The following ZNF804A variants were observed in gnomAD, a reference collection of about 807,000 sequenced individuals.
ZNF804A encodes zinc finger protein 804A.
A neutral mutation model predicts 16.5 loss-of-function variants in ZNF804A; 2 were observed. The ratio of observed to expected loss-of-function variants is 0.12; its 90% CI spans 0.05 to 0.38. The LOEUF (loss-of-function observed/expected upper bound fraction) is 0.38, where lower values mean the gene tolerates loss of function less well. Among genes scored for constraint, ZNF804A ranks in the 10% least tolerant of loss-of-function variants. The pLI is 0.99. For missense variants in ZNF804A, 1,473 were observed against 1,390.7 expected, an observed-to-expected ratio of 1.06 and a Z score of -0.94; for synonymous variants, 534 against 489.6, an observed-to-expected ratio of 1.09 and a Z score of -1.20.
chr2:184,872,266 C>T (rs1349631416), intron 2 of ZNF804A, among the ~76,000 whole-genome samples: 1 of 152,142 alleles, frequency 6.6e-6, no homozygotes. Context: ...AAATACCAAA[C>T]ACATTCTTTT....
At chr2:184,607,282 C>A (rs1227085668) in intron 1 of ZNF804A, among the ~76,000 whole-genome samples, 1 of 152,122 alleles carries the variant, frequency 6.6e-6, no homozygotes, top group Non-Finnish European at 1.5e-5. Context: ...TTAGTCTATT[C>A]TCATGCTGCT....
At chr2:184,730,358 T>C (rs1234414704) in intron 1 of ZNF804A, among the ~76,000 whole-genome samples, 5 of 152,146 alleles carry the variant, frequency 3.3e-5, no homozygotes, top group South Asian at 2.1e-4. Context: ...TTTGTTAAAA[T>C]TGACGAATAT....
Position 184,610,429 on chromosome 2 carries a change from T to C in ZNF804A, c.111+11359T>C, listed in dbSNP as rs528143779. Among the ~76,000 whole-genome samples, 769 of 152,190 alleles carry C rather than the reference T, an allele frequency of 5.1e-3. 6 individuals carry two copies. Among genetic ancestry groups the C allele is most frequent in the Non-Finnish European group, 6.7e-3 (456 of 67,994 alleles). ...TAGATTGGTTATGGAAAGCAGGATGTTTGAAGTCAATAAGTTAATAGGAAG... is the reference window on the plus strand; with the variant it reads ...TAGATTGGTTATGGAAAGCAGGATGCTTGAAGTCAATAAGTTAATAGGAAG... On this transcript the variant is annotated intron_variant, in intron 1 of 3. Transcript: ENST00000302277.
chr2:184,934,516 A>T (rs1241742285), intron 3 of ZNF804A, among the ~76,000 whole-genome samples: 1 of 152,128 alleles, frequency 6.6e-6, no homozygotes, highest in Non-Finnish European at 1.5e-5. Context: ...AAAAACCAAA[A>T]TAAAATGTAT....
chr2:184,639,254 A>G (rs1691753852), intron 1 of ZNF804A, among the ~76,000 whole-genome samples: 1 of 151,784 alleles, frequency 6.6e-6, no homozygotes, highest in African/African-American at 2.4e-5. Context: ...TGGTATTTTT[A>G]GCAGAGACGA....
intron 2 of ZNF804A, among the ~76,000 whole-genome samples, chr2:184,885,245 G>A (rs532162519): frequency 6.4e-4 from 98 of 152,206 alleles, no homozygotes; most frequent in African/African-American, 2.2e-3. Context: ...CTCGTATGAA[G>A]GTAAACTAGT....
At chr2:184,795,927 T>C (rs966698273) in intron 1 of ZNF804A, among the ~76,000 whole-genome samples, 1 of 151,982 alleles carries the variant, frequency 6.6e-6, no homozygotes, top group African/African-American at 2.4e-5. Context: ...GAAATGGTTA[T>C]TAAAAAATTA....
At chr2:184,757,756 T>C (rs1425527062) in intron 1 of ZNF804A, among the ~76,000 whole-genome samples, 1 of 152,066 alleles carries the variant, frequency 6.6e-6, no homozygotes, top group Non-Finnish European at 1.5e-5. Context: ...ACTTATTCTT[T>C]CATCCTTGCC....
intron 1 of ZNF804A, among the ~76,000 whole-genome samples, chr2:184,646,701 C>G (rs1000781063): frequency 6.6e-6 from 1 of 152,228 alleles, no homozygotes; most frequent in Non-Finnish European, 1.5e-5. Context: ...AGAATATACT[C>G]TCCTTGATTA....
intron 1 of ZNF804A, among the ~76,000 whole-genome samples, chr2:184,808,796 T>G (rs1005911722): frequency 2.6e-5 from 4 of 151,788 alleles, no homozygotes; most frequent in Non-Finnish European, 5.9e-5. Context: ...CAACGACTTT[T>G]AATGTTTAAA....
chr2:184,898,728 G>A (rs929946895), intron 2 of ZNF804A, among the ~76,000 whole-genome samples: 6 of 151,830 alleles, frequency 4.0e-5, no homozygotes, highest in Admixed American at 2.6e-4. Context: ...CTTAAGGACA[G>A]GATAATATAT....
intron 2 of ZNF804A, among the ~76,000 whole-genome samples, chr2:184,923,727 T>C (rs1435473941): frequency 6.6e-6 from 1 of 152,006 alleles, no homozygotes; most frequent in Non-Finnish European, 1.5e-5. Context: ...ATGCTCCTTC[T>C]AAACCCAGTT....
rs1277341531 is a variant in ZNF804A, at chr2:184,937,974, C to T, written c.2578C>T (p.Gln860Ter). 6.2e-7 allele frequency: 1 copy of T among 1,614,038 alleles called. No homozygotes were observed. Among genetic ancestry groups the T allele is most frequent in the African/African-American group, 1.3e-5 (1 of 75,030 alleles). ...AGACAAAAAAGAGAAAATGAAACCA[C>T]AAGAAGTTGCAAAAATCGAAAGGAA... ...SEDKKEKMKP[Q>*]EVAKIERNSE... The change falls in exon 4 of 4, where the codon CAA (glutamine) becomes TAA (stop). Residue 860 changes from glutamine to a stop codon, truncating the protein, a stop_gained. Transcript: ENST00000302277. LOFTEE classifies it low-confidence loss of function (END_TRUNC).
chr2:184,801,512 T>C (rs949274047), intron 1 of ZNF804A, among the ~76,000 whole-genome samples: 1 of 152,182 alleles, frequency 6.6e-6, no homozygotes, highest in Non-Finnish European at 1.5e-5. Context: ...GCAATTTCAT[T>C]TGGTAAGTGT....
intron 1 of ZNF804A, among the ~76,000 whole-genome samples, chr2:184,717,069 G>A (rs1189655819): frequency 6.6e-6 from 1 of 151,962 alleles, no homozygotes; most frequent in Non-Finnish European, 1.5e-5. Context: ...TCCTGGCAGG[G>A]TATCAGATGT....
intron 1 of ZNF804A, among the ~76,000 whole-genome samples, chr2:184,767,241 T>A (rs762382771): frequency 1.3e-5 from 2 of 152,146 alleles, no homozygotes; most frequent in Non-Finnish European, 2.9e-5. Flanking sequence ...ATGGAGTATA[T>A]GCACACAATG....
chr2:184,660,370 T>A (rs1196970405), intron 1 of ZNF804A, among the ~76,000 whole-genome samples: 5 of 152,250 alleles, frequency 3.3e-5, no homozygotes, highest in Non-Finnish European at 7.3e-5. Context: ...CTCTGCCTGT[T>A]CATTTGTCCT....
intron 1 of ZNF804A, among the ~76,000 whole-genome samples, chr2:184,857,969 G>A (rs999373642): frequency 1.3e-5 from 2 of 151,888 alleles, no homozygotes; most frequent in African/African-American, 2.4e-5. Flanking sequence ...ATTATTGATA[G>A]GTAAGAACTT....
At chr2:184,852,516 A>G (rs1412667646) in intron 1 of ZNF804A, among the ~76,000 whole-genome samples, 1 of 138,154 alleles carries the variant, frequency 7.2e-6, no homozygotes, top group African/African-American at 2.7e-5. Flanking sequence ...CCAAAAATAT[A>G]TTGCCAGACT....
Sources: gnomAD v4.1 joint callset for allele counts (sites outside exome capture counted in the v4.1 genomes callset) on GRCh38, gnomAD v4.1.1 for gene constraint, MANE v1.5 for transcripts, NCBI Gene and HGNC (gene_info 2026-07-23, HGNC 2026-07-21) for gene names.